CHD6: variants seen among roughly 807,000 people sequenced by gnomAD.
CHD6 encodes chromodomain helicase DNA binding protein 6, also known as ATP-dependent chromatin remodeler CHD6.
CHD6 carries 50 observed loss-of-function variants against 276.9 expected under a neutral mutation model. That is an observed-to-expected ratio of 0.18 (90% CI 0.14 to 0.23). The LOEUF (loss-of-function observed/expected upper bound fraction) is 0.23, where lower values mean the gene tolerates loss of function less well. Among genes scored for constraint, CHD6 ranks in the 10% least tolerant of loss-of-function variants. The probability of loss-of-function intolerance (pLI) is 1.00; values close to 1 mark genes in which losing one functional copy is unlikely to be tolerated. For synonymous variants in CHD6, 1,173 were observed against 1,229.3 expected (o/e 0.95, Z 0.96); for missense variants, 2,564 against 3,365.8 (o/e 0.76, Z 5.89).
intron 1 of CHD6, among the ~76,000 whole-genome samples, chr20:41,570,572 A>T (rs1032772588): frequency 5.3e-5 from 8 of 152,362 alleles, no homozygotes; most frequent in African/African-American, 1.9e-4. Flanking sequence ...ATAAGGAAAC[A>T]ATTTTTACAA....
intron 1 of CHD6, among the ~76,000 whole-genome samples, chr20:41,615,592 G>A (rs1316807030): frequency 6.6e-6 from 1 of 152,202 alleles, no homozygotes; most frequent in Non-Finnish European, 1.5e-5. Context: ...GGCGGGGAAA[G>A]GGGAAGGAGG....
At chr20:41,571,539 C>T (rs2045417716) in intron 1 of CHD6, among the ~76,000 whole-genome samples, 2 of 151,606 alleles carry the variant, frequency 1.3e-5, no homozygotes, top group Non-Finnish European at 2.9e-5. Context: ...CTACAGGTGC[C>T]GCCAACACAC....
chr20:41,611,920 G>T (rs1568733686), intron 1 of CHD6, among the ~76,000 whole-genome samples: 1 of 152,234 alleles, frequency 6.6e-6, no homozygotes, highest in African/African-American at 2.4e-5. Flanking sequence ...TTACAGGTGT[G>T]AGCCACCGCA....
intron 7 of CHD6, chr20:41,497,907 A>G: frequency 2.1e-6 from 1 of 472,668 alleles, no homozygotes; most frequent in South Asian, 2.8e-5. Flanking sequence ...TAAAAACACA[A>G]CAATCCTTGG....
At chr20:41,604,181 T>C (rs1003823698) in intron 1 of CHD6, among the ~76,000 whole-genome samples, 1 of 152,190 alleles carries the variant, frequency 6.6e-6, no homozygotes, top group African/African-American at 2.4e-5. Flanking sequence ...AGTTCAGTTT[T>C]GCACTTGGAC....
chr20:41,533,365 T>C lies in CHD6; in HGVS notation c.239A>G (p.Asn80Ser). The C allele has an allele frequency of 6.2e-7, 1 of 1,614,082 alleles. No homozygotes were observed. Among genetic ancestry groups the C allele is most frequent in the Non-Finnish European group, 8.5e-7 (1 of 1,180,006 alleles). The part of the protein sequence containing the change: ...TLFPRKMTSH[N>S]GMEDSGGGGT... ...TCCTCCTCCACTGTCCTCCATCCCA[T>C]TATGGGATGTCATTTTCCTAGGAAA... Residue 80 changes from asparagine to serine, a missense_variant, in exon 3 of 37, where the codon AAT (asparagine) becomes AGT (serine). Asn to Ser is a conservative substitution (Grantham distance 46, BLOSUM62 1). Around this residue, in one of 7 missense-constraint regions of CHD6, gnomAD observed 286 missense variants for 297.8 expected, o/e 0.96. Transcript: ENST00000373233.
intron 2 of CHD6, among the ~76,000 whole-genome samples, chr20:41,539,392 A>C (rs1265887541): frequency 6.6e-6 from 1 of 152,204 alleles, no homozygotes; most frequent in Non-Finnish European, 1.5e-5. Context: ...TGGTAGGAAT[A>C]AAATGGACCC....
chr20:41,432,988 C>G (rs944833555), intron 27 of CHD6, among the ~76,000 whole-genome samples: 2 of 151,776 alleles, frequency 1.3e-5, no homozygotes, highest in African/African-American at 4.8e-5. Context: ...AAACCCAAAA[C>G]CCTCAGGAGA....
At chr20:41,520,617 C>A (rs6102445) in intron 3 of CHD6, among the ~76,000 whole-genome samples, 52,110 of 144,152 alleles carry the variant, frequency 0.36, 11,855 homozygotes, top group African/African-American at 0.64. Context: ...GGGAACTGAA[C>A]AATGAGAACA....
At chr20:41,437,375 C>T in intron 26 of CHD6, 41 bp from the exon 27 acceptor site, 1 of 1,424,384 alleles carries the variant, frequency 7.0e-7, no homozygotes, top group East Asian at 2.3e-5. Context: ...CTACCTAGGT[C>T]CCCCTTATCC....
At chr20:41,471,540 G>GT (rs11086805) in intron 17 of CHD6, among the ~76,000 whole-genome samples, 283 of 145,498 alleles carry the variant, frequency 1.9e-3, no homozygotes, top group Middle Eastern at 3.5e-3. Context: ...AATATTTTCA[G>GT]TTTTTTTTTT....
intron 8 of CHD6, among the ~76,000 whole-genome samples, chr20:41,496,369 G>C (rs1005991371): frequency 1.3e-5 from 2 of 152,140 alleles, no homozygotes; most frequent in Non-Finnish European, 2.9e-5. Flanking sequence ...TATTCTCTCA[G>C]TATTGGATCT....
chr20:41,428,041 T>A (rs915484244), intron 27 of CHD6, among the ~76,000 whole-genome samples: 5 of 152,104 alleles, frequency 3.3e-5, no homozygotes, highest in African/African-American at 1.2e-4. Flanking sequence ...ATACCCCAAG[T>A]CCATGACAAC....
intron 1 of CHD6, among the ~76,000 whole-genome samples, chr20:41,597,623 C>G (rs1314069423): frequency 6.6e-6 from 1 of 151,982 alleles, no homozygotes. Context: ...CCCACCATAC[C>G]CGGGTCAAAA....
chr20:41,437,383 T>C (rs770029426), intron 26 of CHD6, 49 bp from the exon 27 acceptor site: 14 of 1,378,902 alleles, frequency 1.0e-5, no homozygotes, highest in Non-Finnish European at 1.3e-5. Context: ...GTCCCCCTTA[T>C]CCACAGTTTC....
intron 1 of CHD6, among the ~76,000 whole-genome samples, chr20:41,595,701 A>T (rs1311385114): frequency 1.3e-5 from 2 of 152,208 alleles, no homozygotes; most frequent in African/African-American, 4.8e-5. Flanking sequence ...AAAATACTGT[A>T]AGGGTAATGA....
intron 16 of CHD6, among the ~76,000 whole-genome samples, chr20:41,475,473 C>T (rs985866783): frequency 2.0e-5 from 3 of 152,116 alleles, no homozygotes; most frequent in African/African-American, 7.2e-5. Flanking sequence ...CACTAGTAAA[C>T]TTTGGAAGCT....
chr20:41,584,499 C>G (rs1211091557), intron 1 of CHD6, among the ~76,000 whole-genome samples: 1 of 152,104 alleles, frequency 6.6e-6, no homozygotes, highest in East Asian at 1.9e-4. Context: ...TTACAGAACA[C>G]CTCACCCTAC....
chr20:41,478,229 C>A (rs1011238843), intron 16 of CHD6, among the ~76,000 whole-genome samples: 4 of 152,170 alleles, frequency 2.6e-5, no homozygotes. Flanking sequence ...AGTGCCCCCC[C>A]ATCTGATGGC....
Sources: allele counts gnomAD v4.1 joint callset (sites outside exome capture counted in the v4.1 genomes callset), GRCh38; gene constraint gnomAD v4.1.1; regional missense constraint gnomAD v4.1.1; transcripts MANE v1.5; gene names NCBI Gene and HGNC (gene_info 2026-07-23, HGNC 2026-07-21).